RIMS2: variants seen among roughly 807,000 people sequenced by gnomAD.
RIMS2 encodes the protein regulating synaptic membrane exocytosis protein 2.
Under a neutral mutation model 174.4 loss-of-function variants are expected in RIMS2, and 59 were observed. That is an observed-to-expected ratio of 0.34 (90% CI 0.27 to 0.42). RIMS2 has a LOEUF of 0.42. Ranked by LOEUF, RIMS2 falls within the 10% of genes least tolerant of loss-of-function variation. The probability of loss-of-function intolerance (pLI) is 1.00; values close to 1 mark genes in which losing one functional copy is unlikely to be tolerated. For missense variants in RIMS2, 1,620 were observed against 1,666.3 expected (o/e 0.97, Z 0.48); for synonymous variants, 606 against 572.5 (o/e 1.06, Z -0.84).
At chr8:103,936,554 T>C in exon 13 of RIMS2, 1 of 1,554,314 alleles carries the variant, frequency 6.4e-7, no homozygotes, top group Non-Finnish European at 8.7e-7. Flanking sequence ...TCCATAGTGA[T>C]AAAAACAAGA....
At chr8:104,202,903 G>C (rs2099062014) in intron 19 of RIMS2, among the ~76,000 whole-genome samples, 1 of 152,180 alleles carries the variant, frequency 6.6e-6, no homozygotes, top group Non-Finnish European at 1.5e-5. Flanking sequence ...AATAAGTATG[G>C]AATAAAATGT....
At chr8:103,773,957 T>A (rs1397340000) in intron 3 of RIMS2, among the ~76,000 whole-genome samples, 1 of 151,882 alleles carries the variant, frequency 6.6e-6, no homozygotes, top group East Asian at 1.9e-4. Context: ...GCTTGGCCAA[T>A]ATGGTGAAAC....
rs147477710 is a variant in RIMS2, at chr8:103,808,614, G to C, written c.698+42077G>C. 2.8e-4 allele frequency among the ~76,000 whole-genome samples: 42 copies of C among 152,078 alleles called. No individual in the cohort carries two copies. In the East Asian group the frequency reaches 7.5e-3, roughly 27 times the overall value. ...CTTCCCCTTTCTTCTCCCTCAACCT[G>C]CTTCTCCTTTAGCATTCTTTGTCTC... On this transcript the variant is annotated intron_variant, in intron 3 of 23. Transcript: ENST00000504942.
At chr8:103,829,878 A>G (rs1487461443) in intron 3 of RIMS2, among the ~76,000 whole-genome samples, 1 of 152,200 alleles carries the variant, frequency 6.6e-6, no homozygotes, top group Non-Finnish European at 1.5e-5. Context: ...AGATAATAAC[A>G]CTATGATGAT....
intron 14 of RIMS2, among the ~76,000 whole-genome samples, chr8:103,945,093 A>G (rs1003295358): frequency 1.3e-5 from 2 of 152,066 alleles, no homozygotes; most frequent in African/African-American, 4.8e-5. Context: ...AAGTATATGT[A>G]TCATATTTCA....
chr8:104,116,045 G>C (rs999916923), intron 19 of RIMS2, among the ~76,000 whole-genome samples: 1 of 152,124 alleles, frequency 6.6e-6, no homozygotes, highest in Admixed American at 6.5e-5. Flanking sequence ...AATAAATCAT[G>C]TTCTTCATTT....
chr8:104,148,610 CTT>C (rs778513131), intron 19 of RIMS2: 1 of 1,597,392 alleles, frequency 6.3e-7, no homozygotes, highest in South Asian at 1.1e-5. Flanking sequence ...CTGACAGTGT[CTT>C]TACATCCAAA....
chr8:103,671,565 C>T (rs2096744320), intron 1 of RIMS2, among the ~76,000 whole-genome samples: 1 of 152,140 alleles, frequency 6.6e-6, no homozygotes, highest in African/African-American at 2.4e-5. Context: ...CCTTTCTACC[C>T]TTTCCATGAA....
At chr8:103,646,708 G>A (rs1254711386) in intron 1 of RIMS2, among the ~76,000 whole-genome samples, 2 of 151,868 alleles carry the variant, frequency 1.3e-5, no homozygotes, top group Admixed American at 6.5e-5. Flanking sequence ...CTTTATCCAT[G>A]TCCCTGCAAA....
At chr8:103,756,631 G>A (rs549940691) in intron 2 of RIMS2, among the ~76,000 whole-genome samples, 1 of 151,900 alleles carries the variant, frequency 6.6e-6, no homozygotes, top group African/African-American at 2.4e-5. Flanking sequence ...TTGCCATGTT[G>A]CCCAGGCTGG....
At chr8:104,209,875 T>C in intron 19 of RIMS2, among the ~76,000 whole-genome samples, 1 of 151,988 alleles carries the variant, frequency 6.6e-6, no homozygotes, top group East Asian at 1.9e-4. Context: ...AAAAATACAA[T>C]CCTGACATAT....
At chr8:104,067,645 G>GC (rs377405437) in intron 19 of RIMS2, among the ~76,000 whole-genome samples, 11 of 152,206 alleles carry the variant, frequency 7.2e-5, no homozygotes, top group African/African-American at 2.6e-4. Context: ...TCCTGCTTCA[G>GC]CCCCCCAAAG....
At chr8:103,766,206 C>T in intron 2 of RIMS2, 21 bp from the exon 6 acceptor site, 22 of 1,514,188 alleles carry the variant, frequency 1.5e-5, no homozygotes, top group East Asian at 4.6e-5. Context: ...TAATTTTTTC[C>T]CCCTATGTCT....
In RIMS2 at chr8:103,662,672, GTCTATCTATCTATCTA is replaced by G. The variant is rs61138262; in HGVS notation, c.177-34380_177-34365del. On this transcript the variant is annotated intron_variant, in intron 1 of 23. Coordinates refer to ENST00000504942, the Ensembl canonical transcript of RIMS2. ...ACCTTTTCCCTTTGGAGTCAGAAGA[GTCTATCTATCTATCTA>G]TCTATCTATCTATCTATCTATCTAT... Among the ~76,000 whole-genome samples the G allele has an allele frequency of 1.3e-3, 198 of 149,670 alleles. 1 individual carries two copies. Among genetic ancestry groups the G allele is most frequent in the South Asian group, 0.011 (51 of 4,674 alleles).
intron 17 of RIMS2, among the ~76,000 whole-genome samples, chr8:104,002,838 T>A (rs2095439949): frequency 6.6e-6 from 1 of 152,186 alleles, no homozygotes; most frequent in Non-Finnish European, 1.5e-5. Flanking sequence ...GAGACTTAAA[T>A]AATGTTTGCT....
chr8:104,244,818 C>T (rs998525965), intron 19 of RIMS2, 98 bp from the exon 26 acceptor site: 7 of 922,858 alleles, frequency 7.6e-6, no homozygotes, highest in Admixed American at 2.4e-5. Context: ...TTTTTATTTA[C>T]ACAGTTCTTT....
At chr8:103,702,986 T>G (rs1227080218) in intron 2 of RIMS2, among the ~76,000 whole-genome samples, 1 of 69,158 alleles carries the variant, frequency 1.4e-5, no homozygotes, top group Non-Finnish European at 3.2e-5. Context: ...TGTGAGTTTG[T>G]TTTTTTTTTT....
chr8:103,519,617 A>G (rs78455908), intron 1 of RIMS2, among the ~76,000 whole-genome samples: 18,870 of 151,682 alleles, frequency 0.12, 1,272 homozygotes, highest in Middle Eastern at 0.22. Flanking sequence ...TCCTTCCTGG[A>G]CTTTTTTTAA....
At chr8:104,120,377 T>C (rs1428718948) in intron 19 of RIMS2, among the ~76,000 whole-genome samples, 3 of 152,202 alleles carry the variant, frequency 2.0e-5, no homozygotes, top group Non-Finnish European at 4.4e-5. Flanking sequence ...CATTAGTCAT[T>C]GGCAATTTCT....
Sources: gnomAD v4.1 joint callset for allele counts (sites outside exome capture counted in the v4.1 genomes callset) on GRCh38, gnomAD v4.1.1 for gene constraint, MANE v1.5 for transcripts, NCBI Gene and HGNC (gene_info 2026-07-23, HGNC 2026-07-21) for gene names.